Variants in C1QTNF3 observed in about 807,000 individuals in gnomAD.
The protein encoded by C1QTNF3 is C1q and TNF related 3.
A neutral mutation model predicts 32.6 loss-of-function variants in C1QTNF3; 26 were observed. The observed-to-expected ratio is 0.80, with a 90% CI of 0.58 to 1.11. The LOEUF is 1.11. Among genes scored for constraint, C1QTNF3 ranks in the 50% least tolerant of loss-of-function variants. C1QTNF3 has a pLI of 0.00. For missense variants in C1QTNF3, 362 were observed against 398.2 expected, an observed-to-expected ratio of 0.91 and a Z score of 0.77; for synonymous variants, 155 against 146.0, an observed-to-expected ratio of 1.06 and a Z score of -0.44.
chr5:34,039,245 G>A (rs982494862), intron 1 of C1QTNF3, among the ~76,000 whole-genome samples: 2 of 152,144 alleles, frequency 1.3e-5, no homozygotes, highest in African/African-American at 4.8e-5. Flanking sequence ...GAGAAGTAAC[G>A]CAAGACCCCA....
the C1QTNF3 span, chr5:34,106,385 A>C: frequency 6.6e-6 from 1 of 151,796 alleles, no homozygotes; most frequent in African/African-American, 2.4e-5. Flanking sequence ...ACTGGCTATT[A>C]AAGGTTATTA....
At chr5:34,183,458 G>C in the C1QTNF3 span, among the ~76,000 whole-genome samples, 1 of 131,796 alleles carries the variant, frequency 7.6e-6, no homozygotes, top group Admixed American at 8.5e-5. Context: ...AGCCTTCCGA[G>C]TACCTGGGAA....
chr5:34,111,043 A>G, the C1QTNF3 span, among the ~76,000 whole-genome samples: 5 of 152,106 alleles, frequency 3.3e-5, no homozygotes, highest in African/African-American at 1.2e-4. Context: ...TTACGGTCTC[A>G]CTTCTTTGTT....
chr5:34,067,311 C>A, the C1QTNF3 span, among the ~76,000 whole-genome samples: 1 of 152,236 alleles, frequency 6.6e-6, no homozygotes, highest in Non-Finnish European at 1.5e-5. Flanking sequence ...TTTCAAGAAT[C>A]TTTTAAGCAA....
chr5:34,139,456 TC>T, the C1QTNF3 span, among the ~76,000 whole-genome samples: 1 of 152,134 alleles, frequency 6.6e-6, no homozygotes, highest in Non-Finnish European at 1.5e-5. Context: ...ACTCTTGAGA[TC>T]TTCATAGATA....
the C1QTNF3 span, among the ~76,000 whole-genome samples, chr5:34,088,662 C>T: frequency 1.3e-5 from 2 of 152,014 alleles, no homozygotes; most frequent in Admixed American, 1.3e-4. Flanking sequence ...CAACTGGGTG[C>T]TTTTTTGCTT....
the C1QTNF3 span, among the ~76,000 whole-genome samples, chr5:34,159,371 T>C: frequency 2.0e-3 from 300 of 152,200 alleles, 4 homozygotes; most frequent in East Asian, 0.044. Context: ...ATGTCTCTTT[T>C]TTACCAAATT....
the C1QTNF3 span, among the ~76,000 whole-genome samples, chr5:34,065,147 C>T: frequency 9.2e-5 from 14 of 152,108 alleles, no homozygotes; most frequent in South Asian, 8.3e-4. Context: ...CTGCACCCAA[C>T]GAAGGACTAA....
chr5:34,155,397 A>G, the C1QTNF3 span, among the ~76,000 whole-genome samples: 1 of 152,320 alleles, frequency 6.6e-6, no homozygotes, highest in South Asian at 2.1e-4. Context: ...GTACCTTTTG[A>G]CCTTCATATC....
the C1QTNF3 span, among the ~76,000 whole-genome samples, chr5:34,067,141 C>T: frequency 6.6e-6 from 1 of 152,228 alleles, no homozygotes; most frequent in South Asian, 2.1e-4. Context: ...ATCATCTCAG[C>T]CTGGATTCAT....
intron 2 of C1QTNF3, among the ~76,000 whole-genome samples, chr5:34,035,044 G>A (rs555791366): frequency 6.6e-6 from 1 of 152,238 alleles, no homozygotes; most frequent in East Asian, 1.9e-4. Flanking sequence ...ATAGGCTTGG[G>A]AGCCCCATAT....
the C1QTNF3 span, chr5:34,175,385 T>A: frequency 6.1e-6 from 1 of 163,104 alleles, no homozygotes; most frequent in East Asian, 1.8e-4. Flanking sequence ...GCGTTGAAAC[T>A]CACCTGTATT....
the C1QTNF3 span, among the ~76,000 whole-genome samples, chr5:34,157,322 T>A: frequency 6.6e-6 from 1 of 152,188 alleles, no homozygotes; most frequent in Non-Finnish European, 1.5e-5. Context: ...GATTAAATAA[T>A]CAAGTTTTAT....
At chr5:34,084,998 T>C in the C1QTNF3 span, among the ~76,000 whole-genome samples, 16 of 127,300 alleles carry the variant, frequency 1.3e-4, no homozygotes, top group East Asian at 3.0e-3. Context: ...TTTTTTTTTT[T>C]TTTTTTTTTT....
At chr5:34,231,217 T>C in the C1QTNF3 span, among the ~76,000 whole-genome samples, 2 of 152,244 alleles carry the variant, frequency 1.3e-5, no homozygotes, top group Non-Finnish European at 2.9e-5. Flanking sequence ...GGTAAAAGCA[T>C]AAAATCATGT....
At chr5:34,046,931 C>T (rs188289658), upstream of C1QTNF3, among the ~76,000 whole-genome samples, 1,451 of 152,266 alleles carry the variant, frequency 9.5e-3, 34 homozygotes, top group African/African-American at 0.033. Context: ...TTTTACTTCC[C>T]TCCAGTAATT....
the C1QTNF3 span, among the ~76,000 whole-genome samples, chr5:34,201,786 T>C: frequency 6.6e-6 from 1 of 152,218 alleles, no homozygotes; most frequent in Non-Finnish European, 1.5e-5. Flanking sequence ...ATAGGTATCT[T>C]AAGCAGAAAG....
chr5:34,231,120 A>G, the C1QTNF3 span, among the ~76,000 whole-genome samples: 1 of 152,126 alleles, frequency 6.6e-6, no homozygotes, highest in African/African-American at 2.4e-5. Context: ...GTATGTCAAA[A>G]TGGTGTACTT....
the C1QTNF3 span, among the ~76,000 whole-genome samples, chr5:34,049,836 C>T: frequency 6.6e-6 from 1 of 152,278 alleles, no homozygotes; most frequent in African/African-American, 2.4e-5. Context: ...TTTCTTAAGG[C>T]CTTCAGCTGA....
Sources: allele counts gnomAD v4.1 joint callset (sites outside exome capture counted in the v4.1 genomes callset), GRCh38; gene constraint gnomAD v4.1.1; transcripts MANE v1.5; gene names NCBI Gene and HGNC (gene_info 2026-07-23, HGNC 2026-07-21).